UGGT2: variants seen among roughly 807,000 people sequenced by gnomAD.
UGGT2 encodes UDP-glucose glycoprotein glucosyltransferase 2, also known as UDP-glucose:glycoprotein glucosyltransferase 2.
Under a neutral mutation model 192.1 loss-of-function variants are expected in UGGT2, and 180 were observed. That is an observed-to-expected ratio of 0.94 (90% CI 0.83 to 1.06). The LOEUF (loss-of-function observed/expected upper bound fraction) is 1.06, where lower values mean the gene tolerates loss of function less well. Among genes scored for constraint, UGGT2 ranks in the 50% least tolerant of loss-of-function variants. UGGT2 has a pLI of 0.00. For missense variants in UGGT2, 1,849 were observed against 1,795.7 expected (o/e 1.03, Z -0.54); for synonymous variants, 580 against 591.0 (o/e 0.98, Z 0.27).
chr13:95,874,666 C>T (rs369048024), intron 29 of UGGT2, among the ~76,000 whole-genome samples: 6 of 151,938 alleles, frequency 3.9e-5, no homozygotes, highest in African/African-American at 1.5e-4. Context: ...CCCTTTTCTC[C>T]CCTTCCTCCC....
At chr13:95,994,845 T>A (rs1566805837) in intron 7 of UGGT2, among the ~76,000 whole-genome samples, 1 of 152,116 alleles carries the variant, frequency 6.6e-6, no homozygotes, top group South Asian at 2.1e-4. Flanking sequence ...GCCTTATGTT[T>A]GTTGTTTCAT....
intron 38 of UGGT2, among the ~76,000 whole-genome samples, chr13:95,814,575 C>T (rs1308414519): frequency 2.0e-5 from 3 of 152,054 alleles, no homozygotes; most frequent in African/African-American, 4.8e-5. Context: ...GGCTCATAGG[C>T]GAAGGGATTT....
intron 16 of UGGT2, among the ~76,000 whole-genome samples, chr13:95,939,056 G>A (rs1320225338): frequency 6.6e-6 from 1 of 152,082 alleles, no homozygotes; most frequent in Non-Finnish European, 1.5e-5. Context: ...ACTGACATGA[G>A]TGCATTAAAT....
intron 4 of UGGT2, among the ~76,000 whole-genome samples, chr13:96,019,963 A>G (rs2052466487): frequency 6.6e-6 from 1 of 152,200 alleles, no homozygotes; most frequent in Non-Finnish European, 1.5e-5. Context: ...GCATTTAGGG[A>G]AACCACTGTG....
intron 20 of UGGT2, among the ~76,000 whole-genome samples, chr13:95,905,393 A>T (rs2048253736): frequency 6.6e-6 from 1 of 151,762 alleles, no homozygotes; most frequent in African/African-American, 2.4e-5. Context: ...CTGAATGGTA[A>T]TGCCTAGGTT....
intron 1 of UGGT2, among the ~76,000 whole-genome samples, chr13:96,052,513 T>C (rs910133308): frequency 6.6e-6 from 1 of 152,140 alleles, no homozygotes; most frequent in Admixed American, 6.5e-5. Context: ...CATGAACTTA[T>C]GTGGAGTCAT....
chr13:95,909,395 G>A lies in UGGT2; in HGVS notation c.2296-6335C>T, dbSNP rs866684744. On this transcript the variant is annotated intron_variant, in intron 20 of 38. Coordinates refer to ENST00000376747, the MANE Select transcript of UGGT2 (RefSeq NM_020121.4). The stretch of plus-strand genomic sequence containing the variant: ...AGACTGGATTAAGAAAATGTGGCAC[G>A]TATACACCATGGAATACTATGCAGC... Among the ~76,000 whole-genome samples the A allele has an allele frequency of 1.2e-3, 177 of 151,394 alleles. 1 individual carries two copies. The highest frequency in any genetic ancestry group is 3.7e-3 in the African/African-American group (154 of 41,210).
intron 4 of UGGT2, among the ~76,000 whole-genome samples, chr13:96,021,051 AG>A (rs2052500392): frequency 6.6e-6 from 1 of 152,204 alleles, no homozygotes; most frequent in Admixed American, 6.5e-5. Flanking sequence ...GTTTCCGTTA[AG>A]GAACACTGGG....
chr13:95,962,855 A>G (rs765384460), intron 12 of UGGT2, among the ~76,000 whole-genome samples: 3 of 152,118 alleles, frequency 2.0e-5, no homozygotes, highest in Admixed American at 6.6e-5. Context: ...CAAAGGACTT[A>G]CAGTTCCATA....
intron 20 of UGGT2, among the ~76,000 whole-genome samples, chr13:95,918,253 A>T (rs2048739970): frequency 6.6e-6 from 1 of 152,242 alleles, no homozygotes; most frequent in Non-Finnish European, 1.5e-5. Context: ...ACTACATGAA[A>T]ATTGAACAAC....
At chr13:95,807,107 C>T (rs1884344485) in intron 38 of UGGT2, among the ~76,000 whole-genome samples, 1 of 152,084 alleles carries the variant, frequency 6.6e-6, no homozygotes, top group Non-Finnish European at 1.5e-5. Flanking sequence ...TTAGAGATAA[C>T]ATAAACAGTT....
intron 4 of UGGT2, among the ~76,000 whole-genome samples, chr13:96,022,186 G>A (rs964177336): frequency 6.6e-6 from 1 of 151,912 alleles, no homozygotes; most frequent in Non-Finnish European, 1.5e-5. Context: ...AATTGACTAG[G>A]TACCTGAGGA....
intron 38 of UGGT2, among the ~76,000 whole-genome samples, chr13:95,828,238 C>T (rs78301359): frequency 2.6e-5 from 4 of 152,008 alleles, no homozygotes; most frequent in African/African-American, 9.7e-5. Context: ...AAAATTGATA[C>T]CCTAACATCA....
intron 12 of UGGT2, 40 bp from the exon 13 acceptor site, chr13:95,949,494 A>G: frequency 7.2e-7 from 1 of 1,396,946 alleles, no homozygotes; most frequent in Non-Finnish European, 9.4e-7. Context: ...CTATATTAAC[A>G]CTGAAATCAT....
At chr13:95,901,099 C>T (rs2048093448) in intron 21 of UGGT2, among the ~76,000 whole-genome samples, 161 bp from the exon 22 acceptor site, 1 of 151,868 alleles carries the variant, frequency 6.6e-6, no homozygotes, top group Non-Finnish European at 1.5e-5. Flanking sequence ...AAAAAGAATT[C>T]TGTTTTGACA....
rs187722079 is a variant in UGGT2 at position 96,032,155 on chromosome 13, A to G, written c.159-184T>C. Among the ~76,000 whole-genome samples the G allele has an allele frequency of 3.1e-3, 471 of 152,302 alleles. 2 individuals carry two copies. Among genetic ancestry groups the G allele is most frequent in the African/African-American group, 0.011 (450 of 41,562 alleles). ...AAAACACACTGACTATTCTTACCTGAGATATCATTCTCAACTATAAACATA... is the reference window on the plus strand; with the variant it reads ...AAAACACACTGACTATTCTTACCTGGGATATCATTCTCAACTATAAACATA... On this transcript the variant is annotated intron_variant, in intron 1 of 38. Coordinates refer to ENST00000376747, the MANE Select transcript of UGGT2 (RefSeq NM_020121.4).
chr13:96,002,425 C>A (rs1345415807), intron 5 of UGGT2, among the ~76,000 whole-genome samples: 1 of 152,204 alleles, frequency 6.6e-6, no homozygotes, highest in Non-Finnish European at 1.5e-5. Flanking sequence ...TGTTTTACAT[C>A]TCTTGCCACT....
chr13:95,979,106 T>G lies in UGGT2; in HGVS notation c.1092+4698A>C, dbSNP rs114750671. On this transcript the variant is annotated intron_variant, in intron 10 of 38. Coordinates refer to ENST00000376747, the MANE Select transcript of UGGT2 (RefSeq NM_020121.4). The stretch of plus-strand genomic sequence containing the variant: ...ACCTGATCATATCCTCATTTTATTT[T>G]GAAGCAAATAAAAAATGTCATGGAC... Among the ~76,000 whole-genome samples, 1,411 of 152,300 alleles carry G rather than the reference T, an allele frequency of 9.3e-3. 23 individuals are homozygous for G. Among genetic ancestry groups the G allele is most frequent in the African/African-American group, 0.032 (1,345 of 41,568 alleles).
At chr13:95,929,921 C>T (rs1482949660) in intron 17 of UGGT2, among the ~76,000 whole-genome samples, 1 of 152,188 alleles carries the variant, frequency 6.6e-6, no homozygotes. Flanking sequence ...ATGCGTTCCC[C>T]TTCCTCCTCA....
Sources: gnomAD v4.1 joint callset for allele counts (sites outside exome capture counted in the v4.1 genomes callset) on GRCh38, gnomAD v4.1.1 for gene constraint, MANE v1.5 for transcripts, NCBI Gene and HGNC (gene_info 2026-07-23, HGNC 2026-07-21) for gene names.